The following GALNT13 variants were observed in gnomAD, a reference collection of about 807,000 sequenced individuals.
The protein encoded by GALNT13 is UDP-GalNAc:polypeptide N-acetylgalactosaminyltransferase 13.
GALNT13 carries 28 observed loss-of-function variants against 64.2 expected under a neutral mutation model. The observed-to-expected ratio is 0.44, with a 90% CI of 0.32 to 0.60. GALNT13 has a LOEUF of 0.60. Among genes scored for constraint, GALNT13 ranks in the 20% least tolerant of loss-of-function variants. The pLI, the probability that GALNT13 is intolerant of heterozygous loss-of-function variation, is 0.05. For synonymous variants in GALNT13, 214 were observed against 224.6 expected, an observed-to-expected ratio of 0.95 and a Z score of 0.42; for missense variants, 577 against 669.8, an observed-to-expected ratio of 0.86 and a Z score of 1.53.
chr2:154,058,092 T>C (rs1250064990), intron 3 of GALNT13, among the ~76,000 whole-genome samples: 2 of 152,126 alleles, frequency 1.3e-5, no homozygotes, highest in Admixed American at 1.3e-4. Flanking sequence ...TTTATGAAGG[T>C]AGTTAATGTT....
chr2:154,347,075 A>G (rs978701055), intron 9 of GALNT13, among the ~76,000 whole-genome samples: 63 of 152,116 alleles, frequency 4.1e-4, no homozygotes, highest in Non-Finnish European at 5.0e-4. Flanking sequence ...GGGAAAATAC[A>G]ATGCTAGAAA....
chr2:153,869,519 T>C (rs186054682), upstream of GALNT13, among the ~76,000 whole-genome samples: 548 of 152,298 alleles, frequency 3.6e-3, 5 homozygotes, highest in African/African-American at 0.013. Flanking sequence ...CTTTGCTTTC[T>C]CGTGATTGCA....
chr2:153,147,955 G>C, the GALNT13 span, among the ~76,000 whole-genome samples: 4 of 151,814 alleles, frequency 2.6e-5, no homozygotes, highest in African/African-American at 7.3e-5. Flanking sequence ...AGACATGCTT[G>C]AGTCGGAATT....
the GALNT13 span, among the ~76,000 whole-genome samples, chr2:153,676,929 A>C: frequency 2.6e-5 from 4 of 152,140 alleles, no homozygotes; most frequent in African/African-American, 9.7e-5. Context: ...ATCATACCGA[A>C]TGGGCAAAAG....
At chr2:153,602,578 T>G in the GALNT13 span, among the ~76,000 whole-genome samples, 1 of 151,772 alleles carries the variant, frequency 6.6e-6, no homozygotes. Flanking sequence ...ACAGAATCCT[T>G]GGATTAAGAG....
At chr2:153,774,512 T>G in the GALNT13 span, among the ~76,000 whole-genome samples, 1 of 152,202 alleles carries the variant, frequency 6.6e-6, no homozygotes, top group Non-Finnish European at 1.5e-5. Flanking sequence ...AACGTTTATA[T>G]GGGTAGGAAA....
the GALNT13 span, among the ~76,000 whole-genome samples, chr2:153,534,518 C>CTTTT: frequency 9.3e-3 from 1,140 of 123,054 alleles, 36 homozygotes; most frequent in South Asian, 0.022. Flanking sequence ...GCCCCTCTTT[C>CTTTT]TTTCTTTCTT....
chr2:153,622,976 T>C, the GALNT13 span, among the ~76,000 whole-genome samples: 1 of 152,126 alleles, frequency 6.6e-6, no homozygotes, highest in African/African-American at 2.4e-5. Context: ...CTTAGGGTAG[T>C]CTTGTAAGGT....
chr2:153,347,414 C>T, the GALNT13 span, among the ~76,000 whole-genome samples: 1 of 152,134 alleles, frequency 6.6e-6, no homozygotes, highest in African/African-American at 2.4e-5. Context: ...TCACTTAAGT[C>T]ACAAATCCAA....
rs1011360161 is a variant in GALNT13 at position 154,119,675 on chromosome 2, C to T, written c.143-20662C>T. 2.6e-5 allele frequency among the ~76,000 whole-genome samples: 4 copies of T among 152,070 alleles called. No individual in the cohort carries two copies. In the East Asian group the frequency reaches 5.8e-4, roughly 22 times the overall value. On this transcript the variant is annotated intron_variant, in intron 3 of 12. Transcript: ENST00000392825. ...TATTTCAAATTGTCTGTTTTCCACT[C>T]ACTGATCCTTTGATTTGTTTGTTCT...
the GALNT13 span, among the ~76,000 whole-genome samples, chr2:153,377,765 GAC>G: frequency 6.6e-6 from 1 of 152,060 alleles, no homozygotes; most frequent in South Asian, 2.1e-4. Flanking sequence ...AATGGACTAA[GAC>G]ACAGCCCTAG....
At chr2:153,381,934 G>A in the GALNT13 span, among the ~76,000 whole-genome samples, 3 of 151,996 alleles carry the variant, frequency 2.0e-5, no homozygotes, top group Non-Finnish European at 4.4e-5. Flanking sequence ...ATTTTCACTG[G>A]AATCATTTCA....
chr2:153,228,433 A>G, the GALNT13 span, among the ~76,000 whole-genome samples: 1 of 152,260 alleles, frequency 6.6e-6, no homozygotes, highest in Non-Finnish European at 1.5e-5. Flanking sequence ...CAGACAAATC[A>G]GTGCCACAGT....
chr2:153,116,607 C>T, the GALNT13 span, among the ~76,000 whole-genome samples: 1 of 151,954 alleles, frequency 6.6e-6, no homozygotes, highest in Non-Finnish European at 1.5e-5. Context: ...ATAAAAAAAT[C>T]AAATCTAGCT....
At chr2:154,219,344 T>A (rs953134850) in intron 4 of GALNT13, among the ~76,000 whole-genome samples, 9 of 152,158 alleles carry the variant, frequency 5.9e-5, no homozygotes, top group African/African-American at 1.9e-4. Context: ...ACTTTACCAA[T>A]CTTCTACCCC....
chr2:153,402,478 T>G, the GALNT13 span, among the ~76,000 whole-genome samples: 1 of 152,046 alleles, frequency 6.6e-6, no homozygotes, highest in Non-Finnish European at 1.5e-5. Flanking sequence ...TTGGCCTGCC[T>G]TGCTAGATTG....
the GALNT13 span, among the ~76,000 whole-genome samples, chr2:153,278,402 G>C: frequency 6.6e-6 from 1 of 152,088 alleles, no homozygotes. Context: ...TGCTTTTGAG[G>C]ACTTAGTTAT....
At chr2:154,188,013 A>AC (rs1686355869) in intron 4 of GALNT13, among the ~76,000 whole-genome samples, 2 of 107,730 alleles carry the variant, frequency 1.9e-5, no homozygotes, top group African/African-American at 7.9e-5. Context: ...GGCATCAGGC[A>AC]TTCTCTCTCT....
chr2:153,075,962 A>T, the GALNT13 span, among the ~76,000 whole-genome samples: 1 of 152,062 alleles, frequency 6.6e-6, no homozygotes, highest in African/African-American at 2.4e-5. Flanking sequence ...ATTCCTTTTT[A>T]TATCTGTGTA....
Sources: allele counts gnomAD v4.1 joint callset (sites outside exome capture counted in the v4.1 genomes callset), GRCh38; gene constraint gnomAD v4.1.1; transcripts MANE v1.5; gene names NCBI Gene and HGNC (gene_info 2026-07-23, HGNC 2026-07-21).